Variants in CNTN5 observed in about 807,000 individuals in gnomAD.
The protein encoded by CNTN5 is contactin-5.
Under a neutral mutation model 129.1 loss-of-function variants are expected in CNTN5, and 77 were observed. The observed-to-expected ratio is 0.60, with a 90% CI of 0.50 to 0.72. The LOEUF (loss-of-function observed/expected upper bound fraction) is 0.72, where lower values mean the gene tolerates loss of function less well. Among genes scored for constraint, CNTN5 ranks in the 30% least tolerant of loss-of-function variants. CNTN5 has a pLI of 0.00. For synonymous variants in CNTN5, 509 were observed against 465.6 expected, an observed-to-expected ratio of 1.09 and a Z score of -1.20; for missense variants, 1,478 against 1,328.8, an observed-to-expected ratio of 1.11 and a Z score of -1.75.
intron 13 of CNTN5, among the ~76,000 whole-genome samples, chr11:100,170,975 G>A (rs1947809390): frequency 6.6e-6 from 1 of 151,936 alleles, no homozygotes; most frequent in African/African-American, 2.4e-5. Flanking sequence ...TATACATGAG[G>A]GGGATGAGGC....
At chr11:100,303,507 A>C (rs576452355) in intron 20 of CNTN5, among the ~76,000 whole-genome samples, 1 of 151,752 alleles carries the variant, frequency 6.6e-6, no homozygotes, top group Non-Finnish European at 1.5e-5. Flanking sequence ...CTAATAGAAA[A>C]ACAGAAGAAA....
intron 17 of CNTN5, among the ~76,000 whole-genome samples, chr11:100,260,601 T>A (rs773319884): frequency 1.4e-4 from 22 of 152,160 alleles, no homozygotes; most frequent in Admixed American, 2.6e-4. Context: ...TCCAAAATGA[T>A]CAAGTCAGCT....
chr11:99,845,929 C>T (rs1357642860), intron 6 of CNTN5, among the ~76,000 whole-genome samples: 1 of 151,936 alleles, frequency 6.6e-6, no homozygotes, highest in Non-Finnish European at 1.5e-5. Flanking sequence ...TTTAAGATAT[C>T]TATAATTCTA....
intron 1 of CNTN5, among the ~76,000 whole-genome samples, chr11:99,072,792 C>T (rs1226147558): frequency 6.6e-6 from 1 of 152,088 alleles, no homozygotes; most frequent in Non-Finnish European, 1.5e-5. Context: ...TGAATGTTTA[C>T]ATATGATACA....
In CNTN5 at chr11:99,477,968, G is replaced by C. The variant is rs140066681; in HGVS notation, c.-70-78177G>C. On this transcript the variant is annotated intron_variant, in intron 2 of 24. Transcript: ENST00000524871. The stretch of plus-strand genomic sequence containing the variant: ...AATGTGAATATTATAGAGACACATT[G>C]CAGAGGTTTAGTTGGAGATGATTTT... Among the ~76,000 whole-genome samples the C allele has an allele frequency of 9.8e-3, 1,487 of 152,120 alleles. 25 individuals carry two copies. The highest frequency in any genetic ancestry group is 0.033 in the African/African-American group (1,388 of 41,496).
intron 1 of CNTN5, among the ~76,000 whole-genome samples, chr11:99,175,978 A>G (rs1185283854): frequency 6.6e-6 from 1 of 152,104 alleles, no homozygotes; most frequent in Non-Finnish European, 1.5e-5. Context: ...CTATTATCTC[A>G]AGTCCATGGT....
intron 1 of CNTN5, among the ~76,000 whole-genome samples, chr11:99,033,548 C>T (rs1449409851): frequency 1.3e-5 from 2 of 152,190 alleles, no homozygotes; most frequent in South Asian, 4.1e-4. Flanking sequence ...TGGGAGTTCA[C>T]TCATGAATTG....
intron 1 of CNTN5, among the ~76,000 whole-genome samples, chr11:99,229,636 G>A (rs994058149): frequency 2.6e-5 from 4 of 151,798 alleles, no homozygotes; most frequent in African/African-American, 9.7e-5. Flanking sequence ...AACACATAAG[G>A]AGAGCGTGAT....
intron 9 of CNTN5, among the ~76,000 whole-genome samples, chr11:100,023,131 A>G (rs1256591691): frequency 6.6e-6 from 1 of 152,152 alleles, no homozygotes; most frequent in Non-Finnish European, 1.5e-5. Flanking sequence ...TTACACATAT[A>G]ATAGTCTGTT....
chr11:99,757,423 A>G (rs776840063), intron 3 of CNTN5, among the ~76,000 whole-genome samples: 1 of 151,948 alleles, frequency 6.6e-6, no homozygotes, highest in Non-Finnish European at 1.5e-5. Context: ...ATAAGGACCC[A>G]TACTATAAGT....
chr11:99,436,757 C>T (rs1943615360), intron 2 of CNTN5, among the ~76,000 whole-genome samples: 1 of 152,176 alleles, frequency 6.6e-6, no homozygotes, highest in Non-Finnish European at 1.5e-5. Context: ...CAATAATTCT[C>T]ATAGCGGTTC....
intron 2 of CNTN5, among the ~76,000 whole-genome samples, chr11:99,531,645 G>T (rs79609865): frequency 0.029 from 4,421 of 152,300 alleles, 90 homozygotes; most frequent in Middle Eastern, 0.1. Context: ...GCAGCCTATG[G>T]ACTTGGTGCA....
At chr11:99,991,305 A>C (rs1939080169) in intron 8 of CNTN5, among the ~76,000 whole-genome samples, 1 of 151,216 alleles carries the variant, frequency 6.6e-6, no homozygotes, top group Admixed American at 6.6e-5. Flanking sequence ...GTCTCTACTA[A>C]AAGTACAAAA....
intron 15 of CNTN5, among the ~76,000 whole-genome samples, chr11:100,223,700 A>G (rs1949314931): frequency 6.6e-6 from 1 of 152,110 alleles, no homozygotes; most frequent in Non-Finnish European, 1.5e-5. Flanking sequence ...CTTTGATGTC[A>G]TTTCAAGCAG....
At chr11:99,953,334 A>G (rs1033901349) in intron 7 of CNTN5, among the ~76,000 whole-genome samples, 1 of 152,218 alleles carries the variant, frequency 6.6e-6, no homozygotes, top group African/African-American at 2.4e-5. Flanking sequence ...CAGCAATTGC[A>G]TAGAAAGTCT....
intron 1 of CNTN5, among the ~76,000 whole-genome samples, chr11:99,197,770 A>C (rs935341053): frequency 9.2e-5 from 14 of 152,202 alleles, no homozygotes; most frequent in African/African-American, 3.4e-4. Context: ...GTTTATCCCA[A>C]TTCTACCATT....
intron 7 of CNTN5, among the ~76,000 whole-genome samples, chr11:99,931,409 T>A (rs1950189325): frequency 1.3e-5 from 2 of 152,324 alleles, no homozygotes; most frequent in Non-Finnish European, 2.9e-5. Context: ...GAAAAAGACT[T>A]AGAACACTGC....
At chr11:100,035,306 T>A (rs1941926783) in intron 9 of CNTN5, among the ~76,000 whole-genome samples, 1 of 137,794 alleles carries the variant, frequency 7.3e-6, no homozygotes, top group Admixed American at 6.8e-5. Context: ...AACTCATCAT[T>A]TTTTTATGGC....
intron 2 of CNTN5, among the ~76,000 whole-genome samples, chr11:99,352,816 G>A (rs1450591899): frequency 6.6e-6 from 1 of 152,142 alleles, no homozygotes; most frequent in Admixed American, 6.5e-5. Context: ...CTGTCCTTGG[G>A]GTCAAGGGCC....
Sources: gnomAD v4.1 joint callset for allele counts (sites outside exome capture counted in the v4.1 genomes callset) on GRCh38, gnomAD v4.1.1 for gene constraint, MANE v1.5 for transcripts, NCBI Gene and HGNC (gene_info 2026-07-23, HGNC 2026-07-21) for gene names.